Variants in GALK2 observed in about 807,000 individuals in gnomAD.
The protein encoded by GALK2 is galactokinase 2.
A neutral mutation model predicts 52.4 loss-of-function variants in GALK2; 36 were observed. That is an observed-to-expected ratio of 0.69 (90% confidence interval 0.53 to 0.91). GALK2 has a LOEUF of 0.91. GALK2 is among the 40% of genes least tolerant of loss of function. GALK2 has a pLI of 0.00. For synonymous variants in GALK2, 176 were observed against 199.1 expected, an observed-to-expected ratio of 0.88 and a Z score of 0.98; for missense variants, 579 against 559.1, an observed-to-expected ratio of 1.04 and a Z score of -0.36.
At chr15:49,234,184 C>T (rs185637158) in intron 3 of GALK2, among the ~76,000 whole-genome samples, 7 of 152,234 alleles carry the variant, frequency 4.6e-5, no homozygotes, top group Middle Eastern at 3.4e-3. Context: ...CATTGTCCTT[C>T]GGCTGATTTT....
At chr15:49,306,711 C>G (rs2035576173) in intron 8 of GALK2, among the ~76,000 whole-genome samples, 1 of 152,166 alleles carries the variant, frequency 6.6e-6, no homozygotes, top group Non-Finnish European at 1.5e-5. Context: ...GACCACGATT[C>G]CTTCTTAACT....
intron 8 of GALK2, among the ~76,000 whole-genome samples, chr15:49,315,967 T>C (rs1001179494): frequency 1.3e-5 from 2 of 152,216 alleles, no homozygotes; most frequent in African/African-American, 2.4e-5. Flanking sequence ...TAAAGAAATA[T>C]GTAATCCTAA....
intron 1 of GALK2, among the ~76,000 whole-genome samples, chr15:49,176,958 G>T (rs1473743571): frequency 1.3e-5 from 2 of 152,022 alleles, no homozygotes; most frequent in East Asian, 3.8e-4. Flanking sequence ...TTTGGGCTTT[G>T]TTTCTGACAA....
At chr15:49,168,459 C>A (rs1180059736), upstream of GALK2, among the ~76,000 whole-genome samples, 3 of 152,108 alleles carry the variant, frequency 2.0e-5, no homozygotes, top group Non-Finnish European at 4.4e-5. Context: ...TGGCTCACAC[C>A]TTTAATCCCA....
chr15:49,210,421 T>C (rs1390481914), intron 2 of GALK2, among the ~76,000 whole-genome samples: 1 of 151,318 alleles, frequency 6.6e-6, no homozygotes, highest in Non-Finnish European at 1.5e-5. Flanking sequence ...GGCTGATTTA[T>C]TTTATTTTAT....
At chr15:49,221,993 C>A (rs2089829394) in intron 3 of GALK2, among the ~76,000 whole-genome samples, 2 of 152,078 alleles carry the variant, frequency 1.3e-5, no homozygotes, top group Admixed American at 6.5e-5. Context: ...CTGCTTTGGG[C>A]AGTATGTTCA....
chr15:49,248,002 G>GAGT (rs920127285), intron 5 of GALK2, among the ~76,000 whole-genome samples: 1 of 152,202 alleles, frequency 6.6e-6, no homozygotes, highest in Non-Finnish European at 1.5e-5. Flanking sequence ...TTCATAAACA[G>GAGT]AGTAAGTGGA....
chr15:49,252,555 T>C (rs77503054), intron 5 of GALK2, among the ~76,000 whole-genome samples: 9,176 of 152,228 alleles, frequency 0.06, 553 homozygotes, highest in African/African-American at 0.15. Flanking sequence ...TTTATAAGGA[T>C]ATGCTATACT....
intron 1 of GALK2, among the ~76,000 whole-genome samples, chr15:49,186,217 C>G (rs2086325937): frequency 6.6e-6 from 1 of 152,180 alleles, no homozygotes; most frequent in African/African-American, 2.4e-5. Context: ...CTCTCACTCT[C>G]TATGCTTTTT....
At chr15:49,241,754 G>C (rs566710003) in intron 5 of GALK2, among the ~76,000 whole-genome samples, 4 of 152,218 alleles carry the variant, frequency 2.6e-5, no homozygotes, top group African/African-American at 9.6e-5. Flanking sequence ...GTGAAACTTA[G>C]TTTTTCTATT....
At chr15:49,340,137 A>G (rs193280933) in intron 3 of GALK2, among the ~76,000 whole-genome samples, 3 of 152,064 alleles carry the variant, frequency 2.0e-5, no homozygotes, top group African/African-American at 7.2e-5. Flanking sequence ...GTTCTGTCTC[A>G]CTGGTGTTCC....
At chr15:49,294,324 G>T (rs921992197) in intron 8 of GALK2, among the ~76,000 whole-genome samples, 1 of 152,104 alleles carries the variant, frequency 6.6e-6, no homozygotes, top group Non-Finnish European at 1.5e-5. Context: ...GAGGCAGAAA[G>T]AAGTGAGAGA....
At chr15:49,341,854 G>C (rs1419014563) in intron 3 of GALK2, among the ~76,000 whole-genome samples, 1 of 152,080 alleles carries the variant, frequency 6.6e-6, no homozygotes, top group Non-Finnish European at 1.5e-5. Flanking sequence ...TGTGGTTTTG[G>C]GAAATCTTTT....
chr15:49,349,611 A>G (rs2041971755), intron 3 of GALK2, among the ~76,000 whole-genome samples: 1 of 152,146 alleles, frequency 6.6e-6, no homozygotes, highest in South Asian at 2.1e-4. Context: ...AGGTTATTTT[A>G]GGTATTTGAT....
intron 3 of GALK2, among the ~76,000 whole-genome samples, chr15:49,225,004 C>T (rs1020156164): frequency 6.6e-6 from 1 of 152,128 alleles, no homozygotes; most frequent in Non-Finnish European, 1.5e-5. Flanking sequence ...GGATGTGATC[C>T]AGTAAATGGT....
chr15:49,354,295 C>T (rs539459320), intron 3 of GALK2, among the ~76,000 whole-genome samples: 63 of 152,314 alleles, frequency 4.1e-4, no homozygotes, highest in African/African-American at 1.4e-3. Context: ...GCGTGAGCGA[C>T]GCAGAAGACG....
At chr15:49,321,813 T>C (rs1283390501) in intron 9 of GALK2, among the ~76,000 whole-genome samples, 1 of 152,244 alleles carries the variant, frequency 6.6e-6, no homozygotes, top group Non-Finnish European at 1.5e-5. Flanking sequence ...TGTACGTGTG[T>C]GTTTGTAACC....
chr15:49,193,792 A>G (rs552714379), intron 1 of GALK2: 3 of 151,374 alleles, frequency 2.0e-5, no homozygotes, highest in Non-Finnish European at 2.9e-5. Flanking sequence ...CAGTGGTGCA[A>G]TCTCAGCTCA....
chr15:49,259,570 TTC>T (rs1381310590), intron 5 of GALK2, among the ~76,000 whole-genome samples: 1 of 149,478 alleles, frequency 6.7e-6, no homozygotes, highest in Non-Finnish European at 1.5e-5. Flanking sequence ...GTGCCACATT[TTC>T]TTTTTTTTTT....
Sources: gnomAD v4.1 joint callset for allele counts (sites outside exome capture counted in the v4.1 genomes callset) on GRCh38, gnomAD v4.1.1 for gene constraint, MANE v1.5 for transcripts, NCBI Gene and HGNC (gene_info 2026-07-23, HGNC 2026-07-21) for gene names.